PPARGC1A: variants seen among roughly 807,000 people sequenced by gnomAD.
The protein encoded by PPARGC1A is PPARG coactivator 1 alpha.
A neutral mutation model predicts 88.7 loss-of-function variants in PPARGC1A; 25 were observed. That is an observed-to-expected ratio of 0.28 (90% CI 0.21 to 0.39). The LOEUF (loss-of-function observed/expected upper bound fraction) is 0.39. PPARGC1A is among the 10% of genes least tolerant of loss of function. The pLI is 1.00. For missense variants in PPARGC1A, 880 were observed against 968.7 expected, an observed-to-expected ratio of 0.91 and a Z score of 1.22; for synonymous variants, 363 against 355.6, an observed-to-expected ratio of 1.02 and a Z score of -0.24.
At chr4:24,161,025 G>A in the PPARGC1A span, among the ~76,000 whole-genome samples, 1 of 152,140 alleles carries the variant, frequency 6.6e-6, no homozygotes, top group Non-Finnish European at 1.5e-5. Flanking sequence ...CATAGCTGCT[G>A]GCTATAGGAT....
chr4:24,256,204 C>T, the PPARGC1A span, among the ~76,000 whole-genome samples: 12 of 152,128 alleles, frequency 7.9e-5, no homozygotes, highest in African/African-American at 2.9e-4. Flanking sequence ...GTGACCCAGA[C>T]ATTTCCCTAC....
At chr4:24,260,931 A>G in the PPARGC1A span, among the ~76,000 whole-genome samples, 2 of 152,122 alleles carry the variant, frequency 1.3e-5, no homozygotes, top group African/African-American at 2.4e-5. Flanking sequence ...AACAGCTGTG[A>G]ATTTCCACCT....
At chr4:24,314,207 A>G in the PPARGC1A span, among the ~76,000 whole-genome samples, 8 of 152,202 alleles carry the variant, frequency 5.3e-5, no homozygotes, top group African/African-American at 1.7e-4. Context: ...GAACGGACTG[A>G]GCATTTCACT....
At chr4:24,371,533 C>T in the PPARGC1A span, among the ~76,000 whole-genome samples, 11 of 152,228 alleles carry the variant, frequency 7.2e-5, no homozygotes, top group Admixed American at 6.5e-4. Flanking sequence ...GACAGAATAT[C>T]TCCTGAAAAA....
the PPARGC1A span, among the ~76,000 whole-genome samples, chr4:24,130,033 G>T: frequency 2.6e-5 from 4 of 152,106 alleles, no homozygotes; most frequent in Non-Finnish European, 5.9e-5. Flanking sequence ...AGCATTTGGA[G>T]ATATACCTAA....
At chr4:24,452,153 A>T in the PPARGC1A span, among the ~76,000 whole-genome samples, 1 of 151,528 alleles carries the variant, frequency 6.6e-6, no homozygotes, top group Non-Finnish European at 1.5e-5. Flanking sequence ...CTGGATCTCC[A>T]ACCTGCCAGC....
the PPARGC1A span, among the ~76,000 whole-genome samples, chr4:24,008,383 G>T: frequency 8.5e-5 from 13 of 152,240 alleles, no homozygotes; most frequent in East Asian, 2.5e-3. Flanking sequence ...CTTACAAACT[G>T]ATCTTATTCC....
At chr4:23,934,039 A>T in the PPARGC1A span, among the ~76,000 whole-genome samples, 214 of 152,318 alleles carry the variant, frequency 1.4e-3, 1 homozygote, top group African/African-American at 5.1e-3. Flanking sequence ...CTTGATGCCC[A>T]AAGTTATTAG....
chr4:24,363,694 A>G, the PPARGC1A span, among the ~76,000 whole-genome samples: 1 of 152,212 alleles, frequency 6.6e-6, no homozygotes, highest in Admixed American at 6.5e-5. Context: ...AAACAATACA[A>G]ATATTTACTT....
the PPARGC1A span, among the ~76,000 whole-genome samples, chr4:24,362,650 A>C: frequency 3.3e-5 from 5 of 152,072 alleles, no homozygotes; most frequent in Non-Finnish European, 7.4e-5. Flanking sequence ...TGAGATATTT[A>C]CCTCTAACTT....
chr4:24,345,431 T>C, the PPARGC1A span, among the ~76,000 whole-genome samples: 3 of 152,348 alleles, frequency 2.0e-5, no homozygotes, highest in Admixed American at 6.5e-5. Context: ...ATCCACGATT[T>C]CTTTCAGCAG....
chr4:24,155,127 T>G, the PPARGC1A span, among the ~76,000 whole-genome samples: 23,731 of 151,746 alleles, frequency 0.16, 2,384 homozygotes, highest in South Asian at 0.31. Flanking sequence ...GTTTTGTTTT[T>G]TTTTTTTTAT....
At chr4:23,954,172 T>A in the PPARGC1A span, among the ~76,000 whole-genome samples, 1 of 151,960 alleles carries the variant, frequency 6.6e-6, no homozygotes, top group Admixed American at 6.6e-5. Flanking sequence ...AAAGAAAAAG[T>A]ATGGGCGAAT....
At chr4:23,990,609 A>AAC in the PPARGC1A span, among the ~76,000 whole-genome samples, 1 of 152,034 alleles carries the variant, frequency 6.6e-6, no homozygotes, top group Non-Finnish European at 1.5e-5. Context: ...AGAAGCATTC[A>AAC]ACATTTCCTG....
chr4:24,208,665 A>C, the PPARGC1A span, among the ~76,000 whole-genome samples: 2 of 106,694 alleles, frequency 1.9e-5, no homozygotes, highest in Non-Finnish European at 2.0e-5. Context: ...AATCAAACTC[A>C]CCAAACTCAG....
the PPARGC1A span, among the ~76,000 whole-genome samples, chr4:24,295,958 C>G: frequency 1.3e-5 from 2 of 150,822 alleles, no homozygotes; most frequent in South Asian, 4.2e-4. Context: ...TTATTTATCA[C>G]TTGGTGAGTT....
At chr4:23,806,876 T>C (rs374745183) in intron 10 of PPARGC1A, among the ~76,000 whole-genome samples, 5 of 152,316 alleles carry the variant, frequency 3.3e-5, no homozygotes, top group African/African-American at 1.2e-4. Context: ...CAGAAGGTAG[T>C]AGAGAGATGA....
the PPARGC1A span, among the ~76,000 whole-genome samples, chr4:23,918,834 G>A: frequency 6.6e-6 from 1 of 152,070 alleles, no homozygotes; most frequent in East Asian, 1.9e-4. Flanking sequence ...AAGCAGAAAT[G>A]TCTAACATGA....
the PPARGC1A span, among the ~76,000 whole-genome samples, chr4:24,075,332 C>A: frequency 6.6e-6 from 1 of 152,186 alleles, no homozygotes; most frequent in African/African-American, 2.4e-5. Context: ...GGTAAGAGAT[C>A]AAGGCCATGC....
Sources: allele counts gnomAD v4.1 joint callset (sites outside exome capture counted in the v4.1 genomes callset), GRCh38; gene constraint gnomAD v4.1.1; transcripts MANE v1.5; gene names NCBI Gene and HGNC (gene_info 2026-07-23, HGNC 2026-07-21).